Variants in ESYT2 observed in about 807,000 individuals in gnomAD.
The protein encoded by ESYT2 is extended synaptotagmin-2.
Under a neutral mutation model 107.2 loss-of-function variants are expected in ESYT2, and 54 were observed. The ratio of observed to expected loss-of-function variants is 0.50; its 90% CI spans 0.40 to 0.63. The LOEUF is 0.63. Ranked by LOEUF, ESYT2 falls within the 30% of genes least tolerant of loss-of-function variation. The pLI is 0.00. For synonymous variants in ESYT2, 491 were observed against 434.1 expected (o/e 1.13, Z -1.63); for missense variants, 1,020 against 1,094.5 (o/e 0.93, Z 0.96).
At chr7:158,780,709 G>A (rs541850936) in intron 6 of ESYT2, among the ~76,000 whole-genome samples, 1 of 152,198 alleles carries the variant, frequency 6.6e-6, no homozygotes, top group African/African-American at 2.4e-5. Flanking sequence ...GAAACTAATC[G>A]TCAGGGAGGC....
At chr7:158,735,135 T>C (rs1029425335) in intron 21 of ESYT2, among the ~76,000 whole-genome samples, 13 of 152,176 alleles carry the variant, frequency 8.5e-5, no homozygotes, top group African/African-American at 1.9e-4. Flanking sequence ...CCTACTCTCA[T>C]TCCTAAATAA....
intron 1 of ESYT2, among the ~76,000 whole-genome samples, chr7:158,812,926 G>A (rs1283929699): frequency 1.3e-5 from 2 of 152,172 alleles, no homozygotes; most frequent in Non-Finnish European, 2.9e-5. Context: ...GGTTGGGGGA[G>A]GGGAAACAGG....
intron 1 of ESYT2, among the ~76,000 whole-genome samples, chr7:158,822,430 AT>A (rs1390148195): frequency 2.6e-5 from 4 of 152,148 alleles, no homozygotes; most frequent in African/African-American, 9.7e-5. Context: ...TAAAATTAAT[AT>A]TTGTTTAAGC....
At chr7:158,825,833 T>C (rs1044608771) in intron 1 of ESYT2, among the ~76,000 whole-genome samples, 1 of 152,044 alleles carries the variant, frequency 6.6e-6, no homozygotes, top group African/African-American at 2.4e-5. Context: ...CAAGGCAAAA[T>C]ACCAGTCCAA....
intron 1 of ESYT2, among the ~76,000 whole-genome samples, chr7:158,799,298 T>C (rs1214555127): frequency 6.6e-6 from 1 of 152,220 alleles, no homozygotes; most frequent in Non-Finnish European, 1.5e-5. Context: ...AAGTTGTGTG[T>C]GGAAAATGCC....
chr7:158,804,440 C>G lies in ESYT2; in HGVS notation c.331-5368G>C, dbSNP rs534177032. Among the ~76,000 whole-genome samples, 53 of 130,754 alleles carry G rather than the reference C, an allele frequency of 4.1e-4. 1 individual carries two copies. Among genetic ancestry groups the G allele is most frequent in the African/African-American group, 1.5e-3 (50 of 33,912 alleles). The allele number at this position is 130,754 out of a possible 152,430, so 85.8% of individuals were successfully genotyped here. A position where few individuals can be genotyped will look rare whatever the true frequency, so the allele number is the denominator to read the frequency against. ...GAGGCACGTGACAAACCCAAACTGC[C>G]GAGAAAGGTGAGGTGTGTGACAAAC... On this transcript the variant is annotated intron_variant, in intron 1 of 22. Coordinates refer to ENST00000275418, the MANE Select transcript of ESYT2 (RefSeq NM_001367773.1).
At chr7:158,760,543 C>T (rs1837924643) in intron 11 of ESYT2, among the ~76,000 whole-genome samples, 1 of 152,150 alleles carries the variant, frequency 6.6e-6, no homozygotes, top group Non-Finnish European at 1.5e-5. Flanking sequence ...CTGTGTTGCC[C>T]AGGCTGGGCT....
At chr7:158,783,513 T>C (rs1838999782) in intron 6 of ESYT2, among the ~76,000 whole-genome samples, 1 of 152,198 alleles carries the variant, frequency 6.6e-6, no homozygotes, top group Admixed American at 6.5e-5. Flanking sequence ...GTTTTTCTTA[T>C]GTTTCTAAGT....
chr7:158,743,667 C>T lies in ESYT2; in HGVS notation c.1656G>A (p.Glu552=), dbSNP rs1043309895. 1.2e-6 allele frequency: 2 copies of T among 1,611,152 alleles called. No homozygotes were observed. The highest frequency in any genetic ancestry group is 1.7e-6 in the Non-Finnish European group (2 of 1,179,226). ...RQDLEVEVRD[E]QHQCSLGNLK... is the part of the protein sequence containing the mutation. ...GGTTCCCCAGGGAACACTGGTGCTGCTCGTCTCTGACCTGCAAAACACAGG... is the reference window on the plus strand; with the variant it reads ...GGTTCCCCAGGGAACACTGGTGCTGTTCGTCTCTGACCTGCAAAACACAGG... Residue 552 remains glutamate (E), a synonymous_variant, in exon 17 of 23, where the codon GAG becomes GAA. Coordinates refer to ENST00000275418, the MANE Select transcript of ESYT2 (RefSeq NM_001367773.1).
In ESYT2 at chr7:158,829,296, C is replaced by T. The variant is rs1563047499; in HGVS notation, c.123G>A (p.Ala41=). 5 of 1,507,008 alleles carry T rather than the reference C, an allele frequency of 3.3e-6. No individual in the cohort carries two copies. Among genetic ancestry groups the T allele is most frequent in the Non-Finnish European group, 4.4e-6 (5 of 1,136,284 alleles). 93.4% of individuals were successfully genotyped at this position (1,507,008 alleles called of 1,614,324 possible). The part of the protein sequence containing the change: ...VELPGLLAQL[A]RSFALLLPVY... ...CGGGCAGCAGCAGCGCGAAGCTCCG[C>T]GCCAGCTGCGCCAGCAGCCCGGGCA... Residue 41 remains alanine (A), a synonymous_variant, in exon 1 of 23, where the codon GCG becomes GCA. Coordinates refer to ENST00000275418, the MANE Select transcript of ESYT2 (RefSeq NM_001367773.1).
chr7:158,744,662 C>T (rs1405421517), intron 16 of ESYT2, among the ~76,000 whole-genome samples: 1 of 152,196 alleles, frequency 6.6e-6, no homozygotes, highest in Non-Finnish European at 1.5e-5. Context: ...CCATGCCCAG[C>T]CTCTTTTTCC....
In ESYT2 at chr7:158,829,195, CG is replaced by C; in HGVS notation, c.223del (p.Arg75AlafsTer48). On this transcript the variant is annotated frameshift_variant, in exon 1 of 23. Transcript: ENST00000275418. LOFTEE classifies it high-confidence loss of function. ...LALALLAWCRRSRGLKALRLC... is the reference protein window; with the variant it reads ...LALALLAWCRXSRGLKALRLC... ...GCGCAGGGCCTTGAGGCCGCGGCTGCGGCGACACCAGGCGAGCAGCGCGAGC... is the reference window on the plus strand; with the variant it reads ...GCGCAGGGCCTTGAGGCCGCGGCTGCGCGACACCAGGCGAGCAGCGCGAGC... 1 of 1,533,468 alleles carries C rather than the reference CG, an allele frequency of 6.5e-7. No homozygotes were observed. Among genetic ancestry groups the C allele is most frequent in the Non-Finnish European group, 8.7e-7 (1 of 1,148,072 alleles). The allele number at this position is 1,533,468 out of a possible 1,614,324, so 95.0% of individuals were successfully genotyped here.
At chr7:158,743,483 C>T in intron 17 of ESYT2, 46 bp downstream of exon 17, 1 of 1,566,604 alleles carries the variant, frequency 6.4e-7, no homozygotes, top group African/African-American at 1.4e-5. Flanking sequence ...CTGCCAGCAC[C>T]CGCCTCCCCA....
rs73167249 is a variant in ESYT2 at position 158,777,738 on chromosome 7, A to G, written c.748-4342T>C. 5.7e-3 allele frequency among the ~76,000 whole-genome samples: 868 copies of G among 152,324 alleles called. 4 individuals are homozygous for G. Among genetic ancestry groups the G allele is most frequent in the Non-Finnish European group, 8.8e-3 (601 of 68,020 alleles). The stretch of plus-strand genomic sequence containing the variant: ...ATGCCCAGTCTCAGGTAGAATCTTT[A>G]TAGCGGTGTGAGAATGTACTAATCC... On this transcript the variant is annotated intron_variant, in intron 6 of 22. Coordinates refer to ENST00000275418, the MANE Select transcript of ESYT2 (RefSeq NM_001367773.1).
At chr7:158,782,039 G>T (rs934006557) in intron 6 of ESYT2, among the ~76,000 whole-genome samples, 1 of 150,828 alleles carries the variant, frequency 6.6e-6, no homozygotes, top group African/African-American at 2.5e-5. Context: ...GTGCAAGAAC[G>T]AGAACAAGTG....
intron 6 of ESYT2, among the ~76,000 whole-genome samples, chr7:158,784,331 A>G (rs1839034599): frequency 6.6e-6 from 1 of 152,230 alleles, no homozygotes; most frequent in African/African-American, 2.4e-5. Flanking sequence ...GCTGTTAAGA[A>G]TGGGCTTCAG....
At chr7:158,808,604 T>G (rs973881837) in intron 1 of ESYT2, among the ~76,000 whole-genome samples, 5 of 152,176 alleles carry the variant, frequency 3.3e-5, no homozygotes, top group Admixed American at 1.3e-4. Context: ...GAAAATAATT[T>G]CATGCTAGTT....
chr7:158,734,936 CCT>C (rs1425401220), intron 21 of ESYT2, among the ~76,000 whole-genome samples: 6 of 152,188 alleles, frequency 3.9e-5, no homozygotes, highest in East Asian at 3.8e-4. Flanking sequence ...TTTCTACCCC[CCT>C]GAGCACCTGT....
intron 1 of ESYT2, among the ~76,000 whole-genome samples, chr7:158,821,814 CA>C (rs1377285357): frequency 6.6e-6 from 1 of 152,238 alleles, no homozygotes; most frequent in African/African-American, 2.4e-5. Context: ...TCTGCCTTTG[CA>C]ACTGTCCTCC....
Sources: allele counts gnomAD v4.1 joint callset (sites outside exome capture counted in the v4.1 genomes callset), GRCh38; gene constraint gnomAD v4.1.1; transcripts MANE v1.5; gene names NCBI Gene and HGNC (gene_info 2026-07-23, HGNC 2026-07-21).